ZC3H12B: variants seen among roughly 807,000 people sequenced by gnomAD.
ZC3H12B encodes the protein probable ribonuclease ZC3H12B.
ZC3H12B carries 7 observed loss-of-function variants against 43.9 expected under a neutral mutation model. That is an observed-to-expected ratio of 0.16 (90% CI 0.09 to 0.30). The LOEUF is 0.30. ZC3H12B is among the 10% of genes least tolerant of loss of function. ZC3H12B has a pLI of 1.00. For synonymous variants in ZC3H12B, 222 were observed against 241.7 expected (o/e 0.92, Z 0.76); for missense variants, 475 against 670.2 (o/e 0.71, Z 3.22).
the ZC3H12B span, among the ~76,000 whole-genome samples, chrX:65,169,031 C>T: frequency 9.0e-6 from 1 of 111,378 alleles, no homozygotes; most frequent in Non-Finnish European, 1.9e-5. Context: ...GTCTCTGTCT[C>T]CTTCAGTTCT....
chrX:65,400,012 A>G (rs1415297231), intron 3 of ZC3H12B, among the ~76,000 whole-genome samples: 1 of 111,347 alleles, frequency 9.0e-6, no homozygotes, highest in Non-Finnish European at 1.9e-5. Flanking sequence ...AGAGTAGAAG[A>G]GTAGGTACAA....
chrX:65,415,308 C>A (rs2066947188), intron 3 of ZC3H12B, among the ~76,000 whole-genome samples: 1 of 112,677 alleles, frequency 8.9e-6, no homozygotes, highest in South Asian at 3.7e-4. Context: ...TTTGTTAATT[C>A]TCTCCTGGAT....
the ZC3H12B span, among the ~76,000 whole-genome samples, chrX:65,060,628 C>T: frequency 9.0e-6 from 1 of 111,673 alleles, no homozygotes; most frequent in African/African-American, 3.3e-5. Flanking sequence ...ATTTTTGCAT[C>T]AATATTCATC....
the ZC3H12B span, among the ~76,000 whole-genome samples, chrX:65,216,050 C>G: frequency 4.5e-5 from 5 of 111,129 alleles, no homozygotes; most frequent in South Asian, 3.8e-4. Context: ...GAACACTGAT[C>G]AAGAAGAAGG....
chrX:65,055,597 C>T, the ZC3H12B span, among the ~76,000 whole-genome samples: 12 of 111,784 alleles, frequency 1.1e-4, no homozygotes, highest in Non-Finnish European at 2.1e-4. Flanking sequence ...TGATACTGGC[C>T]TCATAAAATG....
chrX:65,416,542 G>A (rs1177794054), intron 3 of ZC3H12B, among the ~76,000 whole-genome samples: 4 of 110,008 alleles, frequency 3.6e-5, no homozygotes, highest in Non-Finnish European at 7.6e-5. Context: ...AGCACTTTGG[G>A]AGGCTGAGGT....
chrX:65,154,349 A>G, the ZC3H12B span, among the ~76,000 whole-genome samples: 2 of 112,078 alleles, frequency 1.8e-5, no homozygotes, highest in African/African-American at 6.5e-5. Flanking sequence ...ACATTTGTAA[A>G]TTATCTTTTA....
the ZC3H12B span, among the ~76,000 whole-genome samples, chrX:65,322,061 C>T: frequency 9.0e-6 from 1 of 111,516 alleles, no homozygotes; most frequent in Non-Finnish European, 1.9e-5. Flanking sequence ...AAAACAGCAA[C>T]AACAAGCAGC....
chrX:65,239,501 C>G, the ZC3H12B span, among the ~76,000 whole-genome samples: 4 of 110,202 alleles, frequency 3.6e-5, no homozygotes, highest in Non-Finnish European at 7.6e-5. Flanking sequence ...CTTTTGAAGA[C>G]AGCATACTGA....
chrX:65,419,199 C>T (rs765208916), intron 3 of ZC3H12B, among the ~76,000 whole-genome samples: 1 of 112,089 alleles, frequency 8.9e-6, no homozygotes, highest in African/African-American at 3.2e-5. Flanking sequence ...CATCAGTTCC[C>T]TGGCCTGTGG....
rs2066866023 is a variant in ZC3H12B at position 65,408,600 on chromosome X, G to T, written n.407+9896G>T. The T allele has an allele frequency of 2.6e-6, 3 of 1,137,254 alleles. No homozygotes were observed. In the South Asian group the frequency reaches 5.7e-5, roughly 21 times the overall value. 93.7% of individuals were successfully genotyped at this position (1,137,254 alleles called of 1,213,427 possible). ...CTTGCACTGTCTAGTGCTCTGAGTG[G>T]GCAATCTCACTTGGCAATAAAAGAT... On this transcript the variant is annotated intron_variant and non_coding_transcript_variant, in intron 3 of 5. Coordinates refer to the ZC3H12B transcript ENST00000617377.
At chrX:65,462,927 TAC>T (rs1413992711) in intron 3 of ZC3H12B, among the ~76,000 whole-genome samples, 3 of 112,227 alleles carry the variant, frequency 2.7e-5, no homozygotes, top group African/African-American at 9.7e-5. Context: ...CATGGAATAC[TAC>T]ACAGCCGTAA....
chrX:65,421,421 A>G (rs1259258901), intron 3 of ZC3H12B, among the ~76,000 whole-genome samples: 2 of 112,269 alleles, frequency 1.8e-5, no homozygotes, highest in Non-Finnish European at 3.8e-5. Context: ...AGTCCTCAGT[A>G]CAGCATTATT....
At chrX:65,346,410 C>A in the ZC3H12B span, among the ~76,000 whole-genome samples, 1 of 111,430 alleles carries the variant, frequency 9.0e-6, no homozygotes, top group African/African-American at 3.3e-5. Context: ...TGCTGGAATA[C>A]CTGGTTAGCA....
At chrX:65,067,086 T>C in the ZC3H12B span, among the ~76,000 whole-genome samples, 3 of 110,187 alleles carry the variant, frequency 2.7e-5, no homozygotes, top group East Asian at 5.7e-4. Flanking sequence ...TCTGTGGGGG[T>C]GCAACCTGCT....
At chrX:65,412,698 G>C (rs1017832093) in intron 3 of ZC3H12B, among the ~76,000 whole-genome samples, 3 of 111,538 alleles carry the variant, frequency 2.7e-5, no homozygotes, top group African/African-American at 9.8e-5. Flanking sequence ...GAACTCCTGA[G>C]CTCAAGCCAT....
At chrX:65,068,940 A>G in the ZC3H12B span, among the ~76,000 whole-genome samples, 1 of 109,151 alleles carries the variant, frequency 9.2e-6, no homozygotes, top group Non-Finnish European at 1.9e-5. Context: ...CATTTTAAAT[A>G]TATCATGCCA....
the ZC3H12B span, among the ~76,000 whole-genome samples, chrX:65,055,824 A>G: frequency 2.7e-5 from 3 of 111,425 alleles, no homozygotes; most frequent in African/African-American, 9.8e-5. Flanking sequence ...GGGAGCATGT[A>G]TGTTTCCAGG....
chrX:65,321,249 AAAG>A, the ZC3H12B span, among the ~76,000 whole-genome samples: 1 of 112,315 alleles, frequency 8.9e-6, no homozygotes, highest in Non-Finnish European at 1.9e-5. Flanking sequence ...CACTTAAAAA[AAAG>A]AAAGAAAGAA....
Sources: gnomAD v4.1 joint callset for allele counts (sites outside exome capture counted in the v4.1 genomes callset) on GRCh38, gnomAD v4.1.1 for gene constraint, MANE v1.5 for transcripts, NCBI Gene and HGNC (gene_info 2026-07-23, HGNC 2026-07-21) for gene names.